Variants in SLC25A42 observed in about 807,000 individuals in gnomAD.
The protein encoded by SLC25A42 is mitochondrial coenzyme A transporter SLC25A42.
In SLC25A42, 19 loss-of-function variants were observed where a neutral mutation model predicts 34.7. The ratio of observed to expected loss-of-function variants is 0.55; its 90% CI spans 0.38 to 0.80. The LOEUF is 0.80. SLC25A42 is among the 30% of genes least tolerant of loss of function. The pLI, the probability that SLC25A42 is intolerant of heterozygous loss-of-function variation, is 0.00. For missense variants in SLC25A42, 364 were observed against 441.3 expected (o/e 0.82, Z 1.57); for synonymous variants, 205 against 191.2 (o/e 1.07, Z -0.59).
rs1481795827 is a variant in SLC25A42 at position 19,085,942 on chromosome 19, C to T, written c.-34-10149C>T. Among the ~76,000 whole-genome samples the T allele has an allele frequency of 3.3e-5, 5 of 152,200 alleles. No individual in the cohort carries two copies. In the East Asian group the frequency reaches 9.7e-4, roughly 29 times the overall value. On this transcript the variant is annotated intron_variant, in intron 1 of 7. Coordinates refer to ENST00000318596, the MANE Select transcript of SLC25A42 (RefSeq NM_178526.5). ...CAGGGCTGCCAGCGCCCTTCCCTGC[C>T]CCTCAACACTGAGCCCCTGGGTGTA...
In SLC25A42 at chr19:19,111,588, C is replaced by G. The variant is rs2059865440; in HGVS notation, c.*712C>G. Reference sequence around the variant, plus strand: ...TGCCCATGCCCACCTGCTTTGTAACCTTCCCAGGAGATTCATGCTTGCTCT... The same window carrying G: ...TGCCCATGCCCACCTGCTTTGTAACGTTCCCAGGAGATTCATGCTTGCTCT... On this transcript the variant is annotated 3_prime_UTR_variant, in exon 8 of 8. Transcript: ENST00000318596. 6.5e-6 allele frequency: 1 copy of G among 153,212 alleles called. No individual in the cohort carries two copies. The highest frequency in any genetic ancestry group is 2.4e-5 in the African/African-American group (1 of 41,472). The allele number at this position is 153,212 out of a possible 1,614,324, so 9.5% of individuals were successfully genotyped here.
chr19:19,096,703 G>A (rs2059767372), intron 2 of SLC25A42, among the ~76,000 whole-genome samples: 1 of 152,166 alleles, frequency 6.6e-6, no homozygotes, highest in South Asian at 2.1e-4. Flanking sequence ...TTGGGATGCT[G>A]AGGTGGGAGG....
intron 5 of SLC25A42, 127 bp downstream of exon 5, chr19:19,105,854 C>G (rs538380471): frequency 2.0e-5 from 17 of 832,556 alleles, no homozygotes; most frequent in Admixed American, 2.8e-5. Context: ...CTTCCCACAA[C>G]GAAACACTGG....
In SLC25A42 at chr19:19,101,798, G is replaced by C. The variant is rs2059797830; in HGVS notation, c.99G>C (p.Val33=). Residue 33 remains valine (V), a synonymous_variant, in exon 3 of 8, where the codon GTG becomes GTC. Coordinates refer to ENST00000318596, the MANE Select transcript of SLC25A42 (RefSeq NM_178526.5). Reference sequence around the variant, plus strand: ...TGTTGCAGCGTGACCACAGGCAAGTGCTCAGCTCCCTGCTGTCTGGGGCCC... The same window carrying C: ...TGTTGCAGCGTGACCACAGGCAAGTCCTCAGCTCCCTGCTGTCTGGGGCCC... ...SVSSKRDHRQ[V]LSSLLSGALA... The C allele has an allele frequency of 6.8e-6, 11 of 1,613,470 alleles. No homozygotes were observed. The highest frequency in any genetic ancestry group is 9.3e-6 in the Non-Finnish European group (11 of 1,179,694).
At chr19:19,072,764 G>A (rs895470920) in intron 1 of SLC25A42, among the ~76,000 whole-genome samples, 1 of 151,916 alleles carries the variant, frequency 6.6e-6, no homozygotes, top group South Asian at 2.1e-4. Context: ...ATGCAGCCTC[G>A]ACCTCCTGGG....
chr19:19,110,683 A>C lies in SLC25A42; in HGVS notation c.764A>C (p.Gln255Pro). 1 of 1,574,440 alleles carries C rather than the reference A, an allele frequency of 6.4e-7. No individual in the cohort carries two copies. The highest frequency in any genetic ancestry group is 1.1e-5 in the South Asian group (1 of 87,576). The change falls in exon 8 of 8, where the codon CAG (glutamine) becomes CCG (proline). Residue 255 changes from glutamine (Q) to proline (P), a missense_variant. Coordinates refer to ENST00000318596, the MANE Select transcript of SLC25A42 (RefSeq NM_178526.5). ...YPLDVVRRRMQTAGVTGYPRA... is the reference protein window; with the variant it reads ...YPLDVVRRRMPTAGVTGYPRA... ...CTGGATGTGGTGCGGCGGCGCATGC[A>C]GACGGCCGGCGTCACGGGCTACCCG...
intron 2 of SLC25A42, among the ~76,000 whole-genome samples, chr19:19,100,493 G>T (rs1211897576): frequency 6.6e-6 from 1 of 151,870 alleles, no homozygotes; most frequent in African/African-American, 2.4e-5. Flanking sequence ...CCCTCCTTGT[G>T]GTCCCCCAGG....
chr19:19,088,484 G>A (rs942440739), intron 1 of SLC25A42, among the ~76,000 whole-genome samples: 2 of 151,806 alleles, frequency 1.3e-5, no homozygotes, highest in African/African-American at 2.4e-5. Context: ...GGGATTACAG[G>A]TGTGAGCCAC....
chr19:19,065,653 G>A (rs546795403), intron 1 of SLC25A42, among the ~76,000 whole-genome samples: 1 of 152,092 alleles, frequency 6.6e-6, no homozygotes, highest in African/African-American at 2.4e-5. Context: ...GAAGCCATTT[G>A]GGTTTTCTGT....
In SLC25A42 at chr19:19,105,702, G is replaced by C; in HGVS notation, c.355G>C (p.Gly119Arg). The C allele has an allele frequency of 2.5e-6, 4 of 1,601,688 alleles. No individual in the cohort carries two copies. In the South Asian group the frequency reaches 3.3e-5, roughly 13 times the overall value. ...SAHEEYKRIL[G>R]SYYGFRGEAL... ...ACACGAGGAGTACAAGCGCATCCTG[G>C]GCAGCTACTATGGCTTCCGTGGAGA... Residue 119 changes from glycine (G) to arginine (R), a missense_variant, in exon 5 of 8, where the codon GGC (glycine) becomes CGC (arginine). Physicochemically the swap from Gly to Arg is moderately radical, Grantham distance 125. Transcript: ENST00000318596.
At chr19:19,087,115 C>T (rs1216780770) in intron 1 of SLC25A42, among the ~76,000 whole-genome samples, 2 of 152,108 alleles carry the variant, frequency 1.3e-5, no homozygotes, top group African/African-American at 4.8e-5. Context: ...ACAATCTTCC[C>T]ATTTCCCCCT....
chr19:19,105,834 T>C (rs1490580629), intron 5 of SLC25A42, 107 bp downstream of exon 5: 1 of 970,412 alleles, frequency 1.0e-6, no homozygotes, highest in African/African-American at 2.0e-5. Flanking sequence ...CCCCTAGCCC[T>C]GCCTTCCCTC....
intron 2 of SLC25A42, among the ~76,000 whole-genome samples, chr19:19,097,060 A>G (rs998315163): frequency 1.3e-5 from 2 of 152,158 alleles, no homozygotes; most frequent in Non-Finnish European, 2.9e-5. Context: ...TATTCTCTCA[A>G]AGCAATTGGG....
chr19:19,086,111 C>T (rs775394167), intron 1 of SLC25A42, among the ~76,000 whole-genome samples: 6 of 152,176 alleles, frequency 3.9e-5, no homozygotes, highest in African/African-American at 9.7e-5. Context: ...TTGGCATGCC[C>T]CAGAAGCTGC....
chr19:19,102,428 GT>G lies in SLC25A42; in HGVS notation c.187+549del, dbSNP rs571964368. On this transcript the variant is annotated intron_variant, in intron 3 of 7. Transcript: ENST00000318596. The stretch of plus-strand genomic sequence containing the variant: ...GGTGTGCTCCACTGCACTCAATTGG[GT>G]TTTTTTAATGCCTCTTTAAAATCCA... Among the ~76,000 whole-genome samples, 5 of 151,960 alleles carry G rather than the reference GT, an allele frequency of 3.3e-5. No individual in the cohort carries two copies. In the East Asian group the frequency reaches 7.8e-4, roughly 24 times the overall value.
chr19:19,089,817 C>T (rs1330903613), intron 1 of SLC25A42, among the ~76,000 whole-genome samples: 3 of 151,170 alleles, frequency 2.0e-5, no homozygotes, highest in African/African-American at 4.9e-5. Context: ...TACAGTGAGC[C>T]GAGATCACAC....
At chr19:19,078,252 G>T (rs1486714613) in intron 1 of SLC25A42, among the ~76,000 whole-genome samples, 1 of 152,164 alleles carries the variant, frequency 6.6e-6, no homozygotes, top group Admixed American at 6.5e-5. Context: ...GGCATTGGGC[G>T]GTGGGGGTAC....
chr19:19,072,702 C>G (rs1207924025), intron 1 of SLC25A42, among the ~76,000 whole-genome samples: 2 of 151,418 alleles, frequency 1.3e-5, no homozygotes, highest in African/African-American at 2.4e-5. Context: ...TTTTTAGAGA[C>G]AGGGTCTTGT....
At chr19:19,073,554 GT>G (rs1319467602) in intron 1 of SLC25A42, among the ~76,000 whole-genome samples, 1 of 151,696 alleles carries the variant, frequency 6.6e-6, no homozygotes, top group African/African-American at 2.4e-5. Context: ...GCTGTGCCAG[GT>G]TCCGTGTGGT....
Sources: gnomAD v4.1 joint callset for allele counts (sites outside exome capture counted in the v4.1 genomes callset) on GRCh38, gnomAD v4.1.1 for gene constraint, MANE v1.5 for transcripts, NCBI Gene and HGNC (gene_info 2026-07-23, HGNC 2026-07-21) for gene names.